The following TMCC3 variants were observed in gnomAD, a reference collection of about 807,000 sequenced individuals.
The protein encoded by TMCC3 is transmembrane and coiled-coil domain protein 3.
TMCC3 carries 28 observed loss-of-function variants against 40.2 expected under a neutral mutation model. That is an observed-to-expected ratio of 0.70 (90% CI 0.52 to 0.95). The LOEUF (loss-of-function observed/expected upper bound fraction) is 0.95. TMCC3 is among the 40% of genes least tolerant of loss of function. The pLI, the probability that TMCC3 is intolerant of heterozygous loss-of-function variation, is 0.00. For synonymous variants in TMCC3, 255 were observed against 248.5 expected (o/e 1.03, Z -0.25); for missense variants, 554 against 615.2 (o/e 0.90, Z 1.05).
chr12:94,582,569 A>G (rs1161178168), intron 1 of TMCC3, 31 bp from the exon 2 acceptor site: 2 of 1,536,956 alleles, frequency 1.3e-6, no homozygotes, highest in African/African-American at 2.8e-5. Flanking sequence ...GCACATTAAA[A>G]TTTGAAGTCA....
Position 94,594,198 on chromosome 12 carries a change from A to AATATATATATATATATATATATAT in TMCC3, c.79-11661_79-11660insATATATATATATATATATATATAT, listed in dbSNP as rs59083165. Among the ~76,000 whole-genome samples, 84 of 145,450 alleles carry AATATATATATATATATATATATAT rather than the reference A, an allele frequency of 5.8e-4. 2 individuals carry two copies. Among genetic ancestry groups the AATATATATATATATATATATATAT allele is most frequent in the African/African-American group, 2.2e-3 (81 of 37,456 alleles). On this transcript the variant is annotated intron_variant, in intron 1 of 3. Coordinates refer to ENST00000261226, the MANE Select transcript of TMCC3 (RefSeq NM_020698.4). ...CTAAGAACCATGCCTTTTAAATTTA[A>AATATATATATATATATATATATAT]ATATATATATATATATATACACACA...
At position 94,650,457 on chromosome 12, in the gene TMCC3, C is replaced by A; in HGVS notation, c.-27G>T. ...TCCGCGCTCCGGCCGCGAACTTTCCCGTCTTCTGGGGCTGCCGCGCCGCGA... is the reference window on the plus strand; with the variant it reads ...TCCGCGCTCCGGCCGCGAACTTTCCAGTCTTCTGGGGCTGCCGCGCCGCGA... On this transcript the variant is annotated 5_prime_UTR_variant, in exon 1 of 4. Transcript: ENST00000261226. The A allele has an allele frequency of 1.6e-6, 2 of 1,264,166 alleles. No homozygotes were observed. The highest frequency in any genetic ancestry group is 2.5e-5 in the South Asian group (1 of 39,430). 78.3% of individuals were successfully genotyped at this position (1,264,166 alleles called of 1,614,324 possible). A position where few individuals can be genotyped will look rare whatever the true frequency, so the allele number is the denominator to read the frequency against.
In TMCC3 at chr12:94,640,858, G is replaced by A. The variant is rs554745458; in HGVS notation, c.78+9495C>T. On this transcript the variant is annotated intron_variant, in intron 1 of 3. Transcript: ENST00000261226. Reference sequence around the variant, plus strand: ...CAAATCCAGAGGTAAGCTTAAGAGAGGGATGTTGGGGGCAACGAGGAAAAG... The same window carrying A: ...CAAATCCAGAGGTAAGCTTAAGAGAAGGATGTTGGGGGCAACGAGGAAAAG... Among the ~76,000 whole-genome samples the A allele has an allele frequency of 5.9e-5, 9 of 152,334 alleles. No homozygotes were observed. In the South Asian group the frequency reaches 1.7e-3, roughly 28 times the overall value.
At chr12:94,648,588 A>ACTGG (rs2069034096) in intron 1 of TMCC3, among the ~76,000 whole-genome samples, 1 of 152,240 alleles carries the variant, frequency 6.6e-6, no homozygotes, top group African/African-American at 2.4e-5. Flanking sequence ...AATAGAAAAG[A>ACTGG]CTGGCGTAGA....
intron 1 of TMCC3, among the ~76,000 whole-genome samples, chr12:94,633,094 A>G (rs2068942071): frequency 6.6e-6 from 1 of 152,094 alleles, no homozygotes; most frequent in African/African-American, 2.4e-5. Context: ...TGACAGAGTG[A>G]GACTGTCTCA....
intron 1 of TMCC3, among the ~76,000 whole-genome samples, chr12:94,623,765 C>T (rs975637397): frequency 1.4e-4 from 22 of 152,246 alleles, no homozygotes; most frequent in South Asian, 1.0e-3. Context: ...GGTTGGGCCA[C>T]GGCCCAGAGC....
chr12:94,641,326 T>C (rs1312810526), intron 1 of TMCC3, among the ~76,000 whole-genome samples: 1 of 152,080 alleles, frequency 6.6e-6, no homozygotes, highest in Non-Finnish European at 1.5e-5. Context: ...TAACCAGGAA[T>C]AGAAGGGCGG....
At chr12:94,640,068 A>T (rs954975550) in intron 1 of TMCC3, among the ~76,000 whole-genome samples, 1 of 152,262 alleles carries the variant, frequency 6.6e-6, no homozygotes, top group South Asian at 2.1e-4. Context: ...ACATAGAATC[A>T]CAGTGAGCGA....
chr12:94,613,288 T>A (rs2068827348), intron 1 of TMCC3, among the ~76,000 whole-genome samples: 1 of 149,088 alleles, frequency 6.7e-6, no homozygotes, highest in Non-Finnish European at 1.5e-5. Context: ...CATGATGAAA[T>A]GCTGTCTCTA....
chr12:94,571,762 G>A, intron 3 of TMCC3, 25 bp from the exon 4 acceptor site: 1 of 1,610,128 alleles, frequency 6.2e-7, no homozygotes, highest in Non-Finnish European at 8.5e-7. Flanking sequence ...GAGAGCAAGG[G>A]TCAAACGGTG....
At chr12:94,646,737 C>CT (rs56738383) in intron 1 of TMCC3, among the ~76,000 whole-genome samples, 72,889 of 131,326 alleles carry the variant, frequency 0.56, 19,340 homozygotes, top group Admixed American at 0.61. Flanking sequence ...CCGTGCCTGG[C>CT]TTTTTTTTTT....
At chr12:94,631,834 A>G (rs997538822) in intron 1 of TMCC3, among the ~76,000 whole-genome samples, 1 of 152,228 alleles carries the variant, frequency 6.6e-6, no homozygotes, top group African/African-American at 2.4e-5. Context: ...CTGACGCTCC[A>G]AACTTTTCAT....
At chr12:94,629,846 G>A (rs181721243) in intron 1 of TMCC3, among the ~76,000 whole-genome samples, 2 of 152,248 alleles carry the variant, frequency 1.3e-5, no homozygotes, top group South Asian at 2.1e-4. Flanking sequence ...TTCAAATTTC[G>A]AATAAGGTTC....
rs1402120628 is a variant in TMCC3 at position 94,577,627 on chromosome 12, A to G, written c.1131+767T>C. Among the ~76,000 whole-genome samples the G allele has an allele frequency of 2.0e-5, 3 of 152,104 alleles. No homozygotes were observed. In the East Asian group the frequency reaches 5.8e-4, roughly 29 times the overall value. On this transcript the variant is annotated intron_variant, in intron 3 of 3. Coordinates refer to ENST00000261226, the MANE Select transcript of TMCC3 (RefSeq NM_020698.4). ...TGGTCCACAGCTTGCTAGACACCAC[A>G]TGGCTAAATTTCTGTGGCTCACAGA...
chr12:94,611,656 T>G (rs1163033097), intron 1 of TMCC3, among the ~76,000 whole-genome samples: 1 of 152,184 alleles, frequency 6.6e-6, no homozygotes, highest in Non-Finnish European at 1.5e-5. Flanking sequence ...GTGTAGTATT[T>G]GCATATAATC....
intron 1 of TMCC3, among the ~76,000 whole-genome samples, chr12:94,616,686 G>A (rs1288703081): frequency 2.0e-5 from 3 of 152,142 alleles, no homozygotes; most frequent in Admixed American, 6.6e-5. Context: ...GGAGATAAGA[G>A]GAAAGGGGGA....
rs1391170927 is a variant in TMCC3, at chr12:94,569,765, G to A, written c.*1670C>T. On this transcript the variant is annotated 3_prime_UTR_variant, in exon 4 of 4. Transcript: ENST00000261226. ...CATTCTGTCACATTTTTTTCCTTCA[G>A]GAGATTTCCCTAAGAAGAGCTGTTT... 6.6e-6 allele frequency: 1 copy of A among 152,068 alleles called. No individual in the cohort carries two copies. The highest frequency in any genetic ancestry group is 2.4e-5 in the African/African-American group (1 of 41,402). The allele number at this position is 152,068 out of a possible 1,614,324, so 9.4% of individuals were successfully genotyped here. A position where few individuals can be genotyped will look rare whatever the true frequency, so the allele number is the denominator to read the frequency against.
intron 1 of TMCC3, among the ~76,000 whole-genome samples, chr12:94,649,878 C>T (rs1242297178): frequency 2.0e-5 from 3 of 152,218 alleles, no homozygotes; most frequent in African/African-American, 7.2e-5. Context: ...CGCGCTCCGG[C>T]TGCGCACCGC....
intron 1 of TMCC3, among the ~76,000 whole-genome samples, chr12:94,617,237 C>A (rs1294346829): frequency 6.6e-6 from 1 of 152,136 alleles, no homozygotes; most frequent in East Asian, 1.9e-4. Flanking sequence ...TCCTGATGAA[C>A]AGAGAGAGAA....
Sources: gnomAD v4.1 joint callset for allele counts (sites outside exome capture counted in the v4.1 genomes callset) on GRCh38, gnomAD v4.1.1 for gene constraint, MANE v1.5 for transcripts, NCBI Gene and HGNC (gene_info 2026-07-23, HGNC 2026-07-21) for gene names.